The following EIPR1 variants were observed in gnomAD, a reference collection of about 807,000 sequenced individuals.
EIPR1 encodes the protein EARP and GARP complex-interacting protein 1.
EIPR1 carries 25 observed loss-of-function variants against 48.1 expected under a neutral mutation model. The observed-to-expected ratio is 0.52, with a 90% CI of 0.38 to 0.73. The LOEUF (loss-of-function observed/expected upper bound fraction) is 0.73, where lower values mean the gene tolerates loss of function less well. EIPR1 is among the 30% of genes least tolerant of loss of function. The pLI is 0.00. For synonymous variants in EIPR1, 204 were observed against 201.9 expected (o/e 1.01, Z -0.09); for missense variants, 415 against 506.2 (o/e 0.82, Z 1.73).
chr2:3,376,128 AT>A (rs148468226), intron 1 of EIPR1, among the ~76,000 whole-genome samples: 3,850 of 152,094 alleles, frequency 0.025, 57 homozygotes, highest in Middle Eastern at 0.034. Flanking sequence ...AAAAAAAGGA[AT>A]TTTCTCTCAT....
chr2:3,227,083 G>C (rs1359474045), intron 4 of EIPR1, among the ~76,000 whole-genome samples: 2 of 152,200 alleles, frequency 1.3e-5, no homozygotes, highest in Non-Finnish European at 2.9e-5. Context: ...AGGCACTGCT[G>C]TAAAGACACC....
intron 3 of EIPR1, among the ~76,000 whole-genome samples, chr2:3,261,558 T>G (rs886294054): frequency 6.6e-6 from 1 of 152,184 alleles, no homozygotes; most frequent in Non-Finnish European, 1.5e-5. Flanking sequence ...CTGAATGCCA[T>G]TCCCTGGGCA....
chr2:3,194,965 TCA>T (rs928801324), intron 6 of EIPR1, among the ~76,000 whole-genome samples: 1 of 152,346 alleles, frequency 6.6e-6, no homozygotes, highest in East Asian at 1.9e-4. Flanking sequence ...GCGTGCGTTC[TCA>T]CACTCACGCG....
At chr2:3,343,232 C>G (rs1670303223) in intron 2 of EIPR1, among the ~76,000 whole-genome samples, 1 of 152,206 alleles carries the variant, frequency 6.6e-6, no homozygotes, top group Admixed American at 6.5e-5. Flanking sequence ...AGGCAGCTCC[C>G]AGCTGGAGGG....
intron 5 of EIPR1, among the ~76,000 whole-genome samples, chr2:3,199,111 A>T (rs1442747144): frequency 7.8e-6 from 1 of 128,418 alleles, no homozygotes; most frequent in Admixed American, 9.5e-5. Flanking sequence ...GTTAATTATT[A>T]ATATTCCTTA....
chr2:3,260,044 A>C (rs534123037), intron 3 of EIPR1, among the ~76,000 whole-genome samples: 1 of 152,264 alleles, frequency 6.6e-6, no homozygotes, highest in Non-Finnish European at 1.5e-5. Flanking sequence ...CAGGAAAAAA[A>C]GCTGGATCAT....
chr2:3,199,604 A>G (rs974798948), intron 5 of EIPR1, among the ~76,000 whole-genome samples: 1 of 152,206 alleles, frequency 6.6e-6, no homozygotes, highest in Admixed American at 6.5e-5. Flanking sequence ...CCATGACTCC[A>G]TATCTGGGCA....
chr2:3,371,304 C>A (rs1030389423), intron 1 of EIPR1, among the ~76,000 whole-genome samples: 2 of 152,136 alleles, frequency 1.3e-5, no homozygotes, highest in African/African-American at 2.4e-5. Context: ...TAAAGACCAT[C>A]GACATTAGGA....
chr2:3,190,758 T>C (rs930510347), intron 8 of EIPR1, among the ~76,000 whole-genome samples: 1 of 152,006 alleles, frequency 6.6e-6, no homozygotes, highest in African/African-American at 2.4e-5. Context: ...GGGCAGATGC[T>C]ACCGTGCGTG....
chr2:3,214,107 TAA>T, intron 5 of EIPR1, 40 bp downstream of exon 5: 1 of 1,587,868 alleles, frequency 6.3e-7, no homozygotes, highest in Non-Finnish European at 8.6e-7. Flanking sequence ...GGGTTTGGTT[TAA>T]AAATACAGAA....
At chr2:3,249,052 G>T (rs543234084) in intron 4 of EIPR1, among the ~76,000 whole-genome samples, 1 of 152,336 alleles carries the variant, frequency 6.6e-6, no homozygotes, top group African/African-American at 2.4e-5. Flanking sequence ...TACTGAGGAG[G>T]GGAGCATTGC....
chr2:3,227,661 G>A (rs1666107699), intron 4 of EIPR1, among the ~76,000 whole-genome samples: 1 of 152,188 alleles, frequency 6.6e-6, no homozygotes, highest in African/African-American at 2.4e-5. Flanking sequence ...GACCTTCATG[G>A]AAGCTGCTCC....
intron 1 of EIPR1, among the ~76,000 whole-genome samples, chr2:3,371,705 AATACAGGAGCACCCAG>A (rs1192903509): frequency 6.6e-6 from 1 of 152,352 alleles, no homozygotes; most frequent in Admixed American, 6.5e-5. Context: ...ATATGCACCC[AATACAGGAGCACCCAG>A]ATTCATAAAG....
rs58022894 is a variant in EIPR1 at position 3,363,075 on chromosome 2, T to C, written c.43-8442A>G. On this transcript the variant is annotated intron_variant, in intron 1 of 8. Coordinates refer to ENST00000382125, the MANE Select transcript of EIPR1 (RefSeq NM_003310.5). ...CCTTGGGCTTGGGGTAAATGACAGC[T>C]CAAAGAATTTCCTCACAAACACAAC... Among the ~76,000 whole-genome samples, 1,330 of 152,128 alleles carry C rather than the reference T, an allele frequency of 8.7e-3. 126 individuals are homozygous for C. In the East Asian group the frequency reaches 0.2, roughly 23 times the overall value.
intron 4 of EIPR1, among the ~76,000 whole-genome samples, chr2:3,242,508 G>C (rs1193721664): frequency 2.3e-5 from 3 of 128,308 alleles, no homozygotes; most frequent in Non-Finnish European, 3.2e-5. Flanking sequence ...TCAGGCCTCC[G>C]ACTCCACACC....
intron 3 of EIPR1, 116 bp downstream of exon 3, chr2:3,337,901 C>G: frequency 2.6e-6 from 3 of 1,158,354 alleles, no homozygotes; most frequent in Non-Finnish European, 3.6e-6. Flanking sequence ...GCAACACCTT[C>G]ATTAATGGCT....
intron 4 of EIPR1, among the ~76,000 whole-genome samples, chr2:3,222,731 T>C (rs960883675): frequency 6.6e-6 from 1 of 152,194 alleles, no homozygotes; most frequent in Admixed American, 6.5e-5. Context: ...GAAGAATGAC[T>C]GCCAGACTGA....
chr2:3,263,570 T>C (rs1667398811), intron 3 of EIPR1, among the ~76,000 whole-genome samples: 1 of 152,168 alleles, frequency 6.6e-6, no homozygotes, highest in South Asian at 2.1e-4. Flanking sequence ...GGATCTCCTA[T>C]CCACATCACA....
At chr2:3,355,600 G>A (rs1310802877) in intron 1 of EIPR1, among the ~76,000 whole-genome samples, 1 of 152,148 alleles carries the variant, frequency 6.6e-6, no homozygotes, top group Non-Finnish European at 1.5e-5. Flanking sequence ...CTTGAGGCCA[G>A]GAGTTCTGGC....
Sources: allele counts gnomAD v4.1 joint callset (sites outside exome capture counted in the v4.1 genomes callset), GRCh38; gene constraint gnomAD v4.1.1; transcripts MANE v1.5; gene names NCBI Gene and HGNC (gene_info 2026-07-23, HGNC 2026-07-21).